Variants in NOS2 observed in about 807,000 individuals in gnomAD.
The protein encoded by NOS2 is nitric oxide synthase, inducible.
Under a neutral mutation model 136.0 loss-of-function variants are expected in NOS2, and 96 were observed. The observed-to-expected ratio is 0.71, with a 90% CI of 0.60 to 0.84. The LOEUF (loss-of-function observed/expected upper bound fraction) is 0.84. NOS2 is among the 40% of genes least tolerant of loss of function. The probability of loss-of-function intolerance (pLI) is 0.00; values close to 1 mark genes in which losing one functional copy is unlikely to be tolerated. For synonymous variants in NOS2, 539 were observed against 587.5 expected (o/e 0.92, Z 1.20); for missense variants, 1,237 against 1,496.9 (o/e 0.83, Z 2.87).
rs185634308 is a variant in NOS2, at chr17:27,767,782, A to T, written c.2090T>A (p.Leu697His). 1.2e-6 allele frequency: 2 copies of T among 1,612,758 alleles called. No individual in the cohort carries two copies. Among genetic ancestry groups the T allele is most frequent in the South Asian group, 1.1e-5 (1 of 91,014 alleles). ...RGKQHIQIPK[L>H]YTSNVTWDPH... ...GTCCCAGGTCACATTGGAGGTGTAG[A>T]GCTTGGGGATCTGAATGTGCTGTTT... is the stretch of plus-strand genomic sequence containing the variant. The change falls in exon 18 of 27, where the codon CTC becomes CAC. Residue 697 changes from leucine to histidine, a missense_variant. Leu to His is a moderately conservative substitution (Grantham distance 99, BLOSUM62 -3). Around this residue, in one of 3 missense-constraint regions of NOS2, gnomAD observed 782 missense variants for 909.9 expected, o/e 0.86. Transcript: ENST00000313735.
At chr17:27,799,388 A>G (rs1432281562) in intron 1 of NOS2, among the ~76,000 whole-genome samples, 1 of 152,238 alleles carries the variant, frequency 6.6e-6, no homozygotes. Context: ...GTTCTAACTC[A>G]GCATTATTAC....
At chr17:27,798,139 T>G (rs1260907794) in intron 2 of NOS2, among the ~76,000 whole-genome samples, 1 of 152,042 alleles carries the variant, frequency 6.6e-6, no homozygotes, top group African/African-American at 2.4e-5. Flanking sequence ...CACACTATGG[T>G]GAGGGCCCCC....
chr17:27,774,211 G>A lies in NOS2; in HGVS notation c.1476+46C>T, dbSNP rs3729966. ...GTGCACACACACACACACACATACA[G>A]CCACATCTGAGCCCCCAGGAAGGAG... On this transcript the variant is annotated intron_variant, in intron 12 of 26. Coordinates refer to ENST00000313735, the MANE Select transcript of NOS2 (RefSeq NM_000625.4). The A allele has an allele frequency of 0.22, 298,458 of 1,366,358 alleles. 33,411 individuals are homozygous for A. Among genetic ancestry groups the A allele is most frequent in the East Asian group, 0.35 (12,663 of 36,684 alleles). 84.6% of individuals were successfully genotyped at this position (1,366,358 alleles called of 1,614,324 possible).
chr17:27,787,889 G>A (rs1478545069), intron 4 of NOS2, 63 bp from the exon 5 acceptor site: 8 of 1,528,546 alleles, frequency 5.2e-6, no homozygotes, highest in African/African-American at 1.4e-5. Context: ...CTCCTCTGGG[G>A]CCAGCTCTCC....
chr17:27,787,651 A>T, intron 5 of NOS2, 27 bp downstream of exon 5: 1 of 1,584,490 alleles, frequency 6.3e-7, no homozygotes. Context: ...GGCAGGAGGC[A>T]GCGACCCTGC....
intron 6 of NOS2, 87 bp downstream of exon 6, chr17:27,782,857 G>A: frequency 7.3e-7 from 1 of 1,368,728 alleles, no homozygotes; most frequent in Non-Finnish European, 1.0e-6. Flanking sequence ...AGGAGGCCTG[G>A]GCACAGCTCT....
Position 27,798,850 on chromosome 17 carries a change from T to C in NOS2, c.-41A>G, listed in dbSNP as rs1437292392. 1 of 1,247,794 alleles carries C rather than the reference T, an allele frequency of 8.0e-7. No individual in the cohort carries two copies. Among genetic ancestry groups the C allele is most frequent in the East Asian group, 2.3e-5 (1 of 43,200 alleles). 77.3% of individuals were successfully genotyped at this position (1,247,794 alleles called of 1,614,324 possible). A position where few individuals can be genotyped will look rare whatever the true frequency, so the allele number is the denominator to read the frequency against. On this transcript the variant is annotated 5_prime_UTR_variant, in exon 2 of 27. Coordinates refer to ENST00000313735, the MANE Select transcript of NOS2 (RefSeq NM_000625.4). The stretch of plus-strand genomic sequence containing the variant: ...AAGCAGGTCACTTATGTCACTTATC[T>C]GGATTTGAGCTCAGATGTTCTTCAC...
chr17:27,797,037 C>T (rs965857965), intron 2 of NOS2, among the ~76,000 whole-genome samples: 3 of 152,172 alleles, frequency 2.0e-5, no homozygotes, highest in Non-Finnish European at 4.4e-5. Flanking sequence ...TGCATTCAAG[C>T]CCTTGTGCTC....
chr17:27,778,979 C>A lies in NOS2; in HGVS notation c.1082G>T (p.Gly361Val). The A allele has an allele frequency of 6.2e-7, 1 of 1,612,706 alleles. No individual in the cohort carries two copies. The highest frequency in any genetic ancestry group is 8.5e-7 in the Non-Finnish European group (1 of 1,179,016). The change falls in exon 10 of 27, where the codon GGC becomes GTC. Residue 361 changes from glycine (G) to valine (V), a missense_variant. This residue lies in a region of NOS2 where 440 missense variants were observed against 545.4 expected (regional missense o/e 0.81). Coordinates refer to ENST00000313735, the MANE Select transcript of NOS2 (RefSeq NM_000625.4). ...AVANMLLEVG[G>V]LEFPGCPFNG... The stretch of plus-strand genomic sequence containing the variant: ...GAAGGGGCACCCTGGGAACTCCAGG[C>A]CGCCCACCTCAAGCAGCATGTTGGC...
chr17:27,778,759 G>C lies in NOS2; in HGVS notation c.1212C>G (p.His404Gln). Residue 404 changes from histidine to glutamine, a missense_variant, in exon 11 of 27, where the codon CAC (histidine) becomes CAG (glutamine). Around this residue, in one of 3 missense-constraint regions of NOS2, gnomAD observed 440 missense variants for 545.4 expected, o/e 0.81. Transcript: ENST00000313735. ...EVGRRMGLET[H>Q]KLASLWKDQA... ...GGTCTTTCCAGAGCGAGGCCAGCTT[G>C]TGCGTTTCCAGGCCCATTCTCCTGC... The C allele has an allele frequency of 1.2e-6, 2 of 1,614,226 alleles. No homozygotes were observed. The highest frequency in any genetic ancestry group is 4.5e-5 in the East Asian group (2 of 44,886).
chr17:27,771,118 C>G (rs1412496981), intron 14 of NOS2, 101 bp from the exon 15 acceptor site: 2 of 801,936 alleles, frequency 2.5e-6, no homozygotes, highest in Admixed American at 4.2e-5. Context: ...CCCCAGGCTG[C>G]GGCTCCTGTG....
intron 3 of NOS2, 111 bp downstream of exon 3, chr17:27,789,493 A>G: frequency 1.2e-6 from 1 of 835,350 alleles, no homozygotes; most frequent in Non-Finnish European, 2.0e-6. Flanking sequence ...TCCACTCTCC[A>G]TCCAAACCCT....
intron 5 of NOS2, among the ~76,000 whole-genome samples, chr17:27,786,950 C>T (rs1189305609): frequency 6.6e-6 from 1 of 152,162 alleles, no homozygotes; most frequent in Non-Finnish European, 1.5e-5. Context: ...ATACTCAGTG[C>T]CTGATGTGTG....
intron 2 of NOS2, among the ~76,000 whole-genome samples, chr17:27,794,383 C>G (rs1303975255): frequency 1.3e-5 from 2 of 152,216 alleles, no homozygotes; most frequent in African/African-American, 4.8e-5. Flanking sequence ...GCCCCTTGTC[C>G]TTGCTACCTG....
At chr17:27,761,389 C>T (rs1255999154) in intron 22 of NOS2, among the ~76,000 whole-genome samples, 158 bp from the exon 23 acceptor site, 2 of 152,138 alleles carry the variant, frequency 1.3e-5, no homozygotes, top group Non-Finnish European at 2.9e-5. Context: ...TGAGATCCAC[C>T]CTCTGTAAGC....
chr17:27,799,802 AG>A (rs1228944360), intron 1 of NOS2, among the ~76,000 whole-genome samples: 1 of 151,598 alleles, frequency 6.6e-6, no homozygotes, highest in African/African-American at 2.4e-5. Flanking sequence ...AAAAAAAAAA[AG>A]AAAGAAAGGG....
chr17:27,784,957 A>G (rs926769839), intron 5 of NOS2, among the ~76,000 whole-genome samples: 6 of 152,108 alleles, frequency 3.9e-5, no homozygotes, highest in Non-Finnish European at 8.8e-5. Flanking sequence ...CAACACCACC[A>G]AGCATGGCCC....
chr17:27,779,073 C>A lies in NOS2; in HGVS notation c.1005-17G>T, dbSNP rs754316162. On this transcript the variant is annotated splice_polypyrimidine_tract_variant and intron_variant, in intron 9 of 26. Coordinates refer to ENST00000313735, the MANE Select transcript of NOS2 (RefSeq NM_000625.4). ...CACTCGTATCTGGCAAAAAGGTAGA[C>A]ACAATTTAACTGGGGCCTTCCTTAT... 5 of 1,436,700 alleles carry A rather than the reference C, an allele frequency of 3.5e-6. No individual in the cohort carries two copies. The highest frequency in any genetic ancestry group is 2.8e-6 in the Non-Finnish European group (3 of 1,089,800). The allele number at this position is 1,436,700 out of a possible 1,614,324, so 89.0% of individuals were successfully genotyped here.
rs772744967 is a variant in NOS2, at chr17:27,765,725, G to A, written c.2247-9C>T. The A allele has an allele frequency of 6.3e-7, 1 of 1,592,214 alleles. No individual in the cohort carries two copies. On this transcript the variant is annotated splice_polypyrimidine_tract_variant and intron_variant, in intron 19 of 26. Coordinates refer to ENST00000313735, the MANE Select transcript of NOS2 (RefSeq NM_000625.4). Reference sequence around the variant, plus strand: ...CCAGGATGGTGGCACGGCTGGGGAAGGAAAATGAAGCCTCAGGTGACATTG... The same window carrying A: ...CCAGGATGGTGGCACGGCTGGGGAAAGAAAATGAAGCCTCAGGTGACATTG...
Sources: allele counts gnomAD v4.1 joint callset (sites outside exome capture counted in the v4.1 genomes callset), GRCh38; gene constraint gnomAD v4.1.1; regional missense constraint gnomAD v4.1.1; transcripts MANE v1.5; gene names NCBI Gene and HGNC (gene_info 2026-07-23, HGNC 2026-07-21).